Variants in TSPAN16 observed in about 807,000 individuals in gnomAD.
TSPAN16 encodes tetraspanin 16, also known as tetraspanin-16.
A neutral mutation model predicts 25.2 loss-of-function variants in TSPAN16; 23 were observed. The observed-to-expected ratio is 0.91, with a 90% confidence interval of 0.66 to 1.29. The LOEUF (loss-of-function observed/expected upper bound fraction) is 1.29, where lower values mean the gene tolerates loss of function less well. TSPAN16 is among the 50% of genes most tolerant of loss of function. The pLI is 0.00. For synonymous variants in TSPAN16, 123 were observed against 124.4 expected (o/e 0.99, Z 0.08); for missense variants, 272 against 299.9 (o/e 0.91, Z 0.69).
At chr19:11,326,848 G>A in exon 7 of TSPAN16, 2 of 653,022 alleles carry the variant, frequency 3.1e-6, no homozygotes, top group East Asian at 3.0e-5. Flanking sequence ...GGCCTAAAGC[G>A]ATCCCCCCGC....
At chr19:11,304,772 C>A (rs2080607575) in intron 4 of TSPAN16, among the ~76,000 whole-genome samples, 1 of 152,060 alleles carries the variant, frequency 6.6e-6, no homozygotes, top group South Asian at 2.1e-4. Context: ...GATCTGTCCG[C>A]CTCGGCCTCC....
chr19:11,300,064 G>C (rs2080527397), intron 3 of TSPAN16, among the ~76,000 whole-genome samples: 1 of 152,104 alleles, frequency 6.6e-6, no homozygotes, highest in Non-Finnish European at 1.5e-5. Flanking sequence ...GTTTAGGCAA[G>C]TTAAAATACA....
At position 11,315,873 on chromosome 19, in the gene TSPAN16, C is replaced by T. The variant is rs145645128; in HGVS notation, c.*35C>T. The T allele has an allele frequency of 1.8e-5, 22 of 1,231,834 alleles. No homozygotes were observed. In the East Asian group the frequency reaches 6.6e-4, roughly 37 times the overall value. The allele number at this position is 1,231,834 out of a possible 1,614,324, so 76.3% of individuals were successfully genotyped here. A position where few individuals can be genotyped will look rare whatever the true frequency, so the allele number is the denominator to read the frequency against. The stretch of plus-strand genomic sequence containing the variant: ...CTGGAGAAGATGAGACACCTGGGCC[C>T]ATCTGGCTGCTGGAGATTCAGTCTC... On this transcript the variant is annotated 3_prime_UTR_variant, in exon 7 of 7. Coordinates refer to ENST00000590327, the MANE Select transcript of TSPAN16 (RefSeq NM_001282509.2).
At chr19:11,312,279 C>T (rs1211057714) in intron 6 of TSPAN16, 57 bp downstream of exon 6, 1 of 1,189,778 alleles carries the variant, frequency 8.4e-7, no homozygotes, top group Admixed American at 2.0e-5. Context: ...CTACTGTATG[C>T]CAAACACTGT....
At chr19:11,321,307 T>G (rs2080778182) in intron 6 of TSPAN16, 1 of 152,078 alleles carries the variant, frequency 6.6e-6, no homozygotes, top group South Asian at 2.1e-4. Context: ...CTTCACAAGG[T>G]GGCAGGAAGG....
chr19:11,316,180 A>ACGAT (rs2080748428), downstream of TSPAN16, among the ~76,000 whole-genome samples: 1 of 146,886 alleles, frequency 6.8e-6, no homozygotes, highest in Non-Finnish European at 1.5e-5. Flanking sequence ...GTGCAATGGC[A>ACGAT]CGATCTCAGC....
At chr19:11,319,013 T>C (rs953665159), downstream of TSPAN16, among the ~76,000 whole-genome samples, 1 of 152,200 alleles carries the variant, frequency 6.6e-6, no homozygotes, top group Non-Finnish European at 1.5e-5. Context: ...CAAGTAATTC[T>C]CCAATTCTCT....
intron 6 of TSPAN16, among the ~76,000 whole-genome samples, chr19:11,315,330 G>A (rs1008585678): frequency 6.0e-5 from 9 of 149,642 alleles, no homozygotes; most frequent in African/African-American, 2.2e-4. Context: ...GGCCGAGGTG[G>A]GCAGGTCACG....
chr19:11,319,750 A>G (rs981204557), downstream of TSPAN16, among the ~76,000 whole-genome samples: 8 of 152,182 alleles, frequency 5.3e-5, no homozygotes, highest in African/African-American at 1.9e-4. Flanking sequence ...CCACCCTTCC[A>G]GCACCTCCAT....
intron 6 of TSPAN16, among the ~76,000 whole-genome samples, chr19:11,320,975 C>T (rs916859346): frequency 1.3e-5 from 2 of 152,006 alleles, no homozygotes; most frequent in East Asian, 1.9e-4. Flanking sequence ...TCGAGACCAG[C>T]CTGGCCAACG....
chr19:11,300,849 A>G (rs1220588638), intron 3 of TSPAN16: 3 of 177,002 alleles, frequency 1.7e-5, no homozygotes, highest in Non-Finnish European at 3.6e-5. Context: ...TTGTGCAGAC[A>G]GAGATTCCGT....
At chr19:11,303,322 G>GC (rs1397442972) in intron 4 of TSPAN16, among the ~76,000 whole-genome samples, 1 of 144,658 alleles carries the variant, frequency 6.9e-6, no homozygotes, top group Non-Finnish European at 1.5e-5. Context: ...TAAGGGCGGT[G>GC]CAAGATGTGC....
chr19:11,298,732 C>T (rs929988763), intron 2 of TSPAN16, 140 bp from the exon 3 acceptor site: 25 of 774,912 alleles, frequency 3.2e-5, no homozygotes, highest in East Asian at 3.0e-4. Context: ...TGCTCCCGGT[C>T]GAATTGTTTT....
At position 11,312,222 on chromosome 19, in the gene TSPAN16, G is replaced by C; in HGVS notation, c.687G>C (p.Gln229His). Residue 229 changes from glutamine to histidine, a missense_variant and splice_region_variant, in exon 6 of 7, where the codon CAG becomes CAC. Physicochemically the swap from Gln to His is conservative, Grantham distance 24. Transcript: ENST00000590327. Reference protein sequence around the residue: ...SGSSLGAAVIQLPGILATLLL... With the variant: ...SGSSLGAAVIHLPGILATLLL... Reference sequence around the variant, plus strand: ...GCTCTCTGGGAGCTGCAGTGATACAGGTAAGACCCAGCCTCTCTAGGGTCT... The same window carrying C: ...GCTCTCTGGGAGCTGCAGTGATACACGTAAGACCCAGCCTCTCTAGGGTCT... 1 of 1,609,432 alleles carries C rather than the reference G, an allele frequency of 6.2e-7. No homozygotes were observed. Among genetic ancestry groups the C allele is most frequent in the Non-Finnish European group, 8.5e-7 (1 of 1,177,720 alleles).
chr19:11,313,309 C>T (rs1036915982), intron 6 of TSPAN16, among the ~76,000 whole-genome samples: 1 of 151,926 alleles, frequency 6.6e-6, no homozygotes, highest in Non-Finnish European at 1.5e-5. Context: ...GTGAAGAGAT[C>T]GAGACCAGCC....
chr19:11,298,584 C>T (rs2080506629), intron 2 of TSPAN16, among the ~76,000 whole-genome samples: 1 of 152,030 alleles, frequency 6.6e-6, no homozygotes, highest in Non-Finnish European at 1.5e-5. Flanking sequence ...ACAGGCACCC[C>T]TACCATGCCC....
chr19:11,312,307 A>G (rs1460020057), intron 6 of TSPAN16, 85 bp downstream of exon 6: 2 of 680,592 alleles, frequency 2.9e-6, no homozygotes, highest in South Asian at 3.6e-5. Context: ...ACTGGGACAC[A>G]GGAGTGAACA....
At chr19:11,309,208 TA>T (rs965975263) in intron 5 of TSPAN16, among the ~76,000 whole-genome samples, 14 of 141,260 alleles carry the variant, frequency 9.9e-5, no homozygotes, top group African/African-American at 3.8e-4. Context: ...GACCCCTCTC[TA>T]AAATAGACAA....
At chr19:11,306,562 A>G in intron 4 of TSPAN16, 42 bp from the exon 5 acceptor site, 1 of 1,610,028 alleles carries the variant, frequency 6.2e-7, no homozygotes, top group African/African-American at 1.3e-5. Flanking sequence ...TGTTTTTATT[A>G]TTTGAAAGGG....
Sources: allele counts gnomAD v4.1 joint callset (sites outside exome capture counted in the v4.1 genomes callset), GRCh38; gene constraint gnomAD v4.1.1; transcripts MANE v1.5; gene names NCBI Gene and HGNC (gene_info 2026-07-23, HGNC 2026-07-21).